Variants in CUL4B observed in about 807,000 individuals in gnomAD.
The protein encoded by CUL4B is cullin 4B.
A neutral mutation model predicts 69.2 loss-of-function variants in CUL4B; 1 was observed. The observed-to-expected ratio is 0.01, with a 90% CI of 0.01 to 0.07. CUL4B has a LOEUF of 0.07. Among genes scored for constraint, CUL4B ranks in the 10% least tolerant of loss-of-function variants. The pLI, the probability that CUL4B is intolerant of heterozygous loss-of-function variation, is 1.00. For missense variants in CUL4B, 328 were observed against 638.8 expected, an observed-to-expected ratio of 0.51 and a Z score of 5.24; for synonymous variants, 237 against 223.2, an observed-to-expected ratio of 1.06 and a Z score of -0.55.
upstream of CUL4B, among the ~76,000 whole-genome samples, chrX:120,561,975 A>G (rs968507615): frequency 1.8e-5 from 2 of 111,391 alleles, no homozygotes; most frequent in African/African-American, 6.6e-5. Context: ...TCTTTCATGT[A>G]GCTGTAAATC....
In CUL4B at chrX:120,541,583, A is replaced by C; in HGVS notation, c.1443+19T>G. Reference sequence around the variant, plus strand: ...AGATAAGCCATAAGAGAGAAAAATCACAGGTAAATTGTTAATACCTTGATA... The same window carrying C: ...AGATAAGCCATAAGAGAGAAAAATCCCAGGTAAATTGTTAATACCTTGATA... On this transcript the variant is annotated intron_variant, in intron 10 of 19. Transcript: ENST00000371322. 1 of 1,020,898 alleles carries C rather than the reference A, an allele frequency of 9.8e-7. No individual in the cohort carries two copies. The highest frequency in any genetic ancestry group is 1.4e-6 in the Non-Finnish European group (1 of 721,379). The allele number at this position is 1,020,898 out of a possible 1,213,427, so 84.1% of individuals were successfully genotyped here. A position where few individuals can be genotyped will look rare whatever the true frequency, so the allele number is the denominator to read the frequency against.
chrX:120,548,741 G>A (rs1392483475), intron 2 of CUL4B, among the ~76,000 whole-genome samples: 1 of 110,447 alleles, frequency 9.1e-6, no homozygotes, highest in Non-Finnish European at 1.9e-5. Context: ...GGCTGAGGCA[G>A]GAGAATTGCT....
downstream of CUL4B, among the ~76,000 whole-genome samples, chrX:120,567,539 T>G (rs755685217): frequency 1.0e-3 from 111 of 109,326 alleles, no homozygotes; most frequent in African/African-American, 3.6e-3. Flanking sequence ...TCCAATTCAA[T>G]CAGAATCTCT....
chrX:120,563,772 T>C (rs1295848077), upstream of CUL4B, among the ~76,000 whole-genome samples: 2 of 112,263 alleles, frequency 1.8e-5, no homozygotes, highest in Non-Finnish European at 3.8e-5. Context: ...TTAAAATCTT[T>C]AGGAGGGTAT....
At position 120,546,580 on chromosome X, in the gene CUL4B, A is replaced by G. The variant is rs747620437; in HGVS notation, c.813T>C (p.Ile271=). ...SLDSVLFLKK[I]DRCWQNHCRQ... ...TGCAATGGTTTTGCCAGCATCTATC[A>G]ATCTTCTTTAAAAAAAGAACGCTAT... Residue 271 remains isoleucine (I), a synonymous_variant, in exon 4 of 20, where the codon ATT becomes ATC. Transcript: ENST00000371322. The G allele has an allele frequency of 5.0e-6, 6 of 1,204,391 alleles. No individual in the cohort carries two copies. Among genetic ancestry groups the G allele is most frequent in the Non-Finnish European group, 6.7e-6 (6 of 889,516 alleles).
chrX:120,545,625 T>C (rs1924269265), intron 4 of CUL4B, 108 bp from the exon 5 acceptor site: 2 of 532,865 alleles, frequency 3.8e-6, no homozygotes, highest in Non-Finnish European at 6.5e-6. Context: ...ATATATTACA[T>C]TACTAAGATC....
At position 120,560,782 on chromosome X, in the gene CUL4B, A is replaced by C; in HGVS notation, c.-144T>G. On this transcript the variant is annotated 5_prime_UTR_variant, in exon 1 of 20. Coordinates refer to ENST00000371322, the MANE Select transcript of CUL4B (RefSeq NM_001079872.2). ...ACACAGAGGACGAGAAGGAAAGTGA[A>C]GGGGGGGGCTACACCGGGGGAATGG... 1 of 177,318 alleles carries C rather than the reference A, an allele frequency of 5.6e-6. No individual in the cohort carries two copies. Among genetic ancestry groups the C allele is most frequent in the East Asian group, 3.3e-4 (1 of 2,993 alleles). 14.6% of individuals were successfully genotyped at this position (177,318 alleles called of 1,213,427 possible). A position where few individuals can be genotyped will look rare whatever the true frequency, so the allele number is the denominator to read the frequency against.
rs761177136 is a variant in CUL4B at position 120,532,551 on chromosome X, G to C, written c.2310C>G (p.Gly770=). The C allele has an allele frequency of 7.0e-5, 85 of 1,207,860 alleles. 1 individual carries two copies. In the South Asian group the frequency reaches 1.1e-3, roughly 16 times the overall value. The change falls in exon 18 of 20, where the codon GGC becomes GGG. Residue 770 remains glycine, a synonymous_variant. Coordinates refer to ENST00000371322, the MANE Select transcript of CUL4B (RefSeq NM_001079872.2). The stretch of plus-strand genomic sequence containing the variant: ...GATTTTTCGCCAGAACTCTAGCTTT[G>C]CCACAGGCTAATGACTGCAGTGTTC... The part of the protein sequence containing the change: ...LRRTLQSLAC[G]KARVLAKNPK...
At chrX:120,566,345 GTATATATATATATATATATA>G (rs537274243), upstream of CUL4B, among the ~76,000 whole-genome samples, 99 of 40,966 alleles carry the variant, frequency 2.4e-3, 3 homozygotes, top group African/African-American at 7.7e-3. Flanking sequence ...GTGTGTATAG[GTATATATATATATATATATA>G]TATATATATA....
intron 9 of CUL4B, among the ~76,000 whole-genome samples, chrX:120,542,637 G>A (rs976181112): frequency 7.2e-5 from 8 of 111,611 alleles, no homozygotes; most frequent in Admixed American, 5.7e-4. Flanking sequence ...AGAGACGAGA[G>A]TCTCACTATG....
At chrX:120,544,986 A>G (rs1002001674) in intron 5 of CUL4B, among the ~76,000 whole-genome samples, 2 of 112,497 alleles carry the variant, frequency 1.8e-5, no homozygotes, top group Admixed American at 1.9e-4. Context: ...CTGGTATTGA[A>G]AGCTTATTTG....
chrX:120,554,626 C>A (rs1203881527), intron 2 of CUL4B, among the ~76,000 whole-genome samples: 1 of 112,184 alleles, frequency 8.9e-6, no homozygotes, highest in Non-Finnish European at 1.9e-5. Context: ...ACACTAGGGA[C>A]TTCCATACTT....
At chrX:120,566,345 G>GTATATATATA (rs537274243), upstream of CUL4B, among the ~76,000 whole-genome samples, 100 of 40,898 alleles carry the variant, frequency 2.4e-3, 3 homozygotes, top group East Asian at 7.6e-3. Context: ...GTGTGTATAG[G>GTATATATATA]TATATATATA....
chrX:120,531,162 A>G (rs1275659474), intron 18 of CUL4B, among the ~76,000 whole-genome samples: 1 of 109,212 alleles, frequency 9.2e-6, no homozygotes, highest in Non-Finnish European at 1.9e-5. Context: ...TCTCTACTTA[A>G]AATACAAAAA....
At chrX:120,541,481 G>A (rs929653860) in intron 10 of CUL4B, 121 bp downstream of exon 10, 11 of 542,042 alleles carry the variant, frequency 2.0e-5, no homozygotes, top group African/African-American at 7.0e-5. Context: ...CCTGGGTGAC[G>A]AGAGCAAAAC....
intron 14 of CUL4B, 87 bp from the exon 15 acceptor site, chrX:120,537,121 GA>G (rs1923719954): frequency 7.5e-6 from 5 of 666,151 alleles, no homozygotes. Context: ...TCCCTGTTAT[GA>G]AATTACATGC....
intron 19 of CUL4B, among the ~76,000 whole-genome samples, chrX:120,528,536 T>C (rs1316080025): frequency 9.1e-6 from 1 of 109,700 alleles, no homozygotes; most frequent in Non-Finnish European, 1.9e-5. Flanking sequence ...GCCTGACCAA[T>C]ATGGTAAAAC....
At chrX:120,548,929 T>G (rs1924507067) in intron 2 of CUL4B, among the ~76,000 whole-genome samples, 1 of 112,629 alleles carries the variant, frequency 8.9e-6, no homozygotes, top group Admixed American at 9.4e-5. Context: ...CTTTAATAAC[T>G]GAATTGGTCT....
chrX:120,567,459 C>T (rs958879221), downstream of CUL4B, among the ~76,000 whole-genome samples: 2 of 110,493 alleles, frequency 1.8e-5, no homozygotes, highest in Admixed American at 9.6e-5. Flanking sequence ...GTTCCCAACT[C>T]ACTGTACAAT....
Sources: allele counts gnomAD v4.1 joint callset (sites outside exome capture counted in the v4.1 genomes callset), GRCh38; gene constraint gnomAD v4.1.1; transcripts MANE v1.5; gene names NCBI Gene and HGNC (gene_info 2026-07-23, HGNC 2026-07-21).